KRT84: variants seen among roughly 807,000 people sequenced by gnomAD.
The protein encoded by KRT84 is keratin, type II cuticular Hb4.
In KRT84, 38 loss-of-function variants were observed where a neutral mutation model predicts 49.0. The ratio of observed to expected loss-of-function variants is 0.78; its 90% CI spans 0.60 to 1.02. KRT84 has a LOEUF of 1.02. KRT84 is among the 50% of genes least tolerant of loss of function. The pLI, the probability that KRT84 is intolerant of heterozygous loss-of-function variation, is 0.00. For synonymous variants in KRT84, 334 were observed against 312.8 expected, an observed-to-expected ratio of 1.07 and a Z score of -0.72; for missense variants, 860 against 788.6, an observed-to-expected ratio of 1.09 and a Z score of -1.08.
rs775140729 is a variant in KRT84, at chr12:52,378,020, C to G, written c.*14G>C. Reference sequence around the variant, plus strand: ...TGGTTCTTCTCTGGGCAGCAGCTGTCTGGGGCTGGGCTCTCAGTACTTGGT... The same window carrying G: ...TGGTTCTTCTCTGGGCAGCAGCTGTGTGGGGCTGGGCTCTCAGTACTTGGT... On this transcript the variant is annotated 3_prime_UTR_variant, in exon 9 of 9. Transcript: ENST00000257951. 3.5e-6 allele frequency: 5 copies of G among 1,442,974 alleles called. No individual in the cohort carries two copies. The African/African-American group carries it at 7.3e-5, about 21-fold the overall frequency. The allele number at this position is 1,442,974 out of a possible 1,614,324, so 89.4% of individuals were successfully genotyped here. A position where few individuals can be genotyped will look rare whatever the true frequency, so the allele number is the denominator to read the frequency against.
In KRT84 at chr12:52,382,987, T is replaced by A. The variant is rs201723730; in HGVS notation, c.816+18A>T. ...CGGTCCAGAGGAGAAGTTGGCCTGG[T>A]CTGTGGTTCCCCCTTACCTTCTTCA... On this transcript the variant is annotated intron_variant, in intron 3 of 8. Coordinates refer to ENST00000257951, the MANE Select transcript of KRT84 (RefSeq NM_033045.4). The A allele has an allele frequency of 1.3e-5, 21 of 1,612,288 alleles. No homozygotes were observed. The African/African-American group carries it at 2.5e-4, about 19-fold the overall frequency.
rs1321750530 is a variant in KRT84, at chr12:52,381,372, A to G, written c.1066T>C (p.Tyr356His). Reference sequence around the variant, plus strand: ...CCTCCACTGCCCACCTTGGTCTGGTACCAGGCCTCAGCATCAGCCCGGCTG... The same window carrying G: ...CCTCCACTGCCCACCTTGGTCTGGTGCCAGGCCTCAGCATCAGCCCGGCTG... ...RRSRADAEAW[Y>H]QTKYEEMQVT... Residue 356 changes from tyrosine to histidine, a missense_variant, in exon 5 of 9, where the codon TAC (tyrosine) becomes CAC (histidine). Physicochemically the swap from Tyr to His is moderately conservative, Grantham distance 83 (BLOSUM62 2). Coordinates refer to ENST00000257951, the MANE Select transcript of KRT84 (RefSeq NM_033045.4). 1.2e-6 allele frequency: 2 copies of G among 1,614,088 alleles called. No individual in the cohort carries two copies. Among genetic ancestry groups the G allele is most frequent in the South Asian group, 2.2e-5 (2 of 91,072 alleles).
At chr12:52,378,803 T>C (rs1328025963) in intron 8 of KRT84, among the ~76,000 whole-genome samples, 1 of 152,136 alleles carries the variant, frequency 6.6e-6, no homozygotes, top group Non-Finnish European at 1.5e-5. Flanking sequence ...ATATTTCCCC[T>C]AGCCCAGCAC....
rs776817362 is a variant in KRT84, at chr12:52,381,468, T to C, written c.970A>G (p.Asn324Asp). 1.2e-6 allele frequency: 2 copies of C among 1,614,174 alleles called. No homozygotes were observed. The highest frequency in any genetic ancestry group is 8.5e-7 in the Non-Finnish European group (1 of 1,180,034). ...SETSVIVKMD[N>D]SRDLNLDGII... ...CCATCAAGGTTCAGGTCACGGCTGT[T>C]GTCCATCTTCACAATGACCGACGTC... Residue 324 changes from asparagine to aspartate, a missense_variant, in exon 5 of 9, where the codon AAC (asparagine) becomes GAC (aspartate). Physicochemically the swap from Asn to Asp is conservative, Grantham distance 23. Coordinates refer to ENST00000257951, the MANE Select transcript of KRT84 (RefSeq NM_033045.4).
At position 52,380,387 on chromosome 12, in the gene KRT84, C is replaced by G. The variant is rs745973447; in HGVS notation, c.1400G>C (p.Arg467Pro). 6.2e-7 allele frequency: 1 copy of G among 1,614,110 alleles called. No homozygotes were observed. ...GLDIEIATYR[R>P]LLEGEESRLC... ...CCGGCTCTCCTCGCCCTCCAGCAGGCGCCTGTAGGTGGCGATCTCGATGTC... is the reference window on the plus strand; with the variant it reads ...CCGGCTCTCCTCGCCCTCCAGCAGGGGCCTGTAGGTGGCGATCTCGATGTC... Residue 467 changes from arginine to proline, a missense_variant, in exon 7 of 9, where the codon CGC becomes CCC. Coordinates refer to ENST00000257951, the MANE Select transcript of KRT84 (RefSeq NM_033045.4).
chr12:52,381,682 A>T (rs1470620691), intron 4 of KRT84, among the ~76,000 whole-genome samples, 157 bp from the exon 5 acceptor site: 2 of 152,196 alleles, frequency 1.3e-5, no homozygotes, highest in Non-Finnish European at 2.9e-5. Flanking sequence ...AAAGAAAAAG[A>T]CATGTCTGAG....
intron 6 of KRT84, 48 bp from the exon 7 acceptor site, chr12:52,380,631 C>G: frequency 6.6e-7 from 1 of 1,521,642 alleles, no homozygotes. Flanking sequence ...GCCAGGGCAT[C>G]CCCAGGTTGG....
At chr12:52,382,362 G>T (rs931647693) in intron 4 of KRT84, 75 bp downstream of exon 4, 3 of 976,022 alleles carry the variant, frequency 3.1e-6, no homozygotes, top group East Asian at 2.4e-5. Context: ...AAATATGCTA[G>T]CCCAGGCTAA....
chr12:52,384,468 G>A (rs1180375125), intron 1 of KRT84, among the ~76,000 whole-genome samples: 1 of 152,130 alleles, frequency 6.6e-6, no homozygotes, highest in South Asian at 2.1e-4. Context: ...GACTACCAGT[G>A]GTCATTCCCT....
chr12:52,386,641 T>A (rs1208907727), upstream of KRT84, among the ~76,000 whole-genome samples: 1 of 152,112 alleles, frequency 6.6e-6, no homozygotes, highest in Non-Finnish European at 1.5e-5. Context: ...AAATATACCA[T>A]AGGTGTGATT....
chr12:52,381,054 G>A, intron 6 of KRT84, 26 bp downstream of exon 6: 1 of 1,611,466 alleles, frequency 6.2e-7, no homozygotes, highest in Non-Finnish European at 8.5e-7. Flanking sequence ...CCTCATCTGA[G>A]GCTTTCCCTC....
chr12:52,380,241 G>T, intron 7 of KRT84, 122 bp downstream of exon 7: 1 of 1,201,898 alleles, frequency 8.3e-7, no homozygotes, highest in South Asian at 1.5e-5. Flanking sequence ...TGTTTGCAGA[G>T]AAGGTATTGT....
Position 52,382,349 on chromosome 12 carries a change from T to G in KRT84, c.912+88A>C, listed in dbSNP as rs1939497102. 3 of 870,822 alleles carry G rather than the reference T, an allele frequency of 3.4e-6. No individual in the cohort carries two copies. In the African/African-American group the frequency reaches 5.0e-5, roughly 15 times the overall value. 53.9% of individuals were successfully genotyped at this position (870,822 alleles called of 1,614,324 possible). The stretch of plus-strand genomic sequence containing the variant: ...GGAAAGATATATGATAGCAAATGTT[T>G]GAAAATATGCTAGCCCAGGCTAAGC... On this transcript the variant is annotated intron_variant, in intron 4 of 8. Coordinates refer to ENST00000257951, the MANE Select transcript of KRT84 (RefSeq NM_033045.4).
Position 52,383,798 on chromosome 12 carries a change from C to T in KRT84, c.547G>A (p.Val183Ile). The change falls in exon 2 of 9, where the codon GTT becomes ATT. Residue 183 changes from valine (V) to isoleucine (I), a missense_variant and splice_region_variant. By Grantham distance (29) the Val-to-Ile change is conservative. Coordinates refer to ENST00000257951, the MANE Select transcript of KRT84 (RefSeq NM_033045.4). The stretch of plus-strand genomic sequence containing the variant: ...TTATTCTGCTGCTCTAGGAACCGAA[C>T]CTAAATCCACAGGGCACAGAAATGG... ...NNKFASFIDK[V>I]RFLEQQNKLL... is the part of the protein sequence containing the mutation. The T allele has an allele frequency of 3.1e-6, 5 of 1,610,604 alleles. No homozygotes were observed. The highest frequency in any genetic ancestry group is 1.1e-5 in the South Asian group (1 of 90,914).
chr12:52,382,455 T>C lies in KRT84; in HGVS notation c.894A>G (p.Leu298=), dbSNP rs1183716712. 21 of 1,613,874 alleles carry C rather than the reference T, an allele frequency of 1.3e-5. No individual in the cohort carries two copies. The highest frequency in any genetic ancestry group is 1.8e-5 in the Non-Finnish European group (21 of 1,179,828). ...CCCTCACCTCCATGTAAAGCGTTTT[T>C]AGAAAGTCAATTTCCTGAGTTAGGG... The part of the protein sequence containing the change: ...VDTLTQEIDF[L]KTLYMEEIQL... Residue 298 remains leucine, a synonymous_variant, in exon 4 of 9, where the codon CTA becomes CTG. Coordinates refer to ENST00000257951, the MANE Select transcript of KRT84 (RefSeq NM_033045.4).
chr12:52,386,759 C>A (rs1174850581), upstream of KRT84, among the ~76,000 whole-genome samples: 1 of 152,124 alleles, frequency 6.6e-6, no homozygotes, highest in Non-Finnish European at 1.5e-5. Flanking sequence ...TTCTCAGCAG[C>A]TGAATATTAT....
At position 52,382,991 on chromosome 12, in the gene KRT84, T is replaced by C. The variant is rs768475501; in HGVS notation, c.816+14A>G. 4 of 1,612,836 alleles carry C rather than the reference T, an allele frequency of 2.5e-6. No homozygotes were observed. In the Admixed American group the frequency reaches 6.7e-5, roughly 27 times the overall value. On this transcript the variant is annotated intron_variant, in intron 3 of 8. Coordinates refer to ENST00000257951, the MANE Select transcript of KRT84 (RefSeq NM_033045.4). ...CCAGAGGAGAAGTTGGCCTGGTCTG[T>C]GGTTCCCCCTTACCTTCTTCAGAGC...
In KRT84 at chr12:52,377,980, C is replaced by A; in HGVS notation, c.*54G>T. 7.5e-7 allele frequency: 1 copy of A among 1,326,388 alleles called. No individual in the cohort carries two copies. Among genetic ancestry groups the A allele is most frequent in the Non-Finnish European group, 9.9e-7 (1 of 1,014,940 alleles). 82.2% of individuals were successfully genotyped at this position (1,326,388 alleles called of 1,614,324 possible). The stretch of plus-strand genomic sequence containing the variant: ...AGCCCACGAACCCTGGGGGCAGAAG[C>A]AGGAGCCGTGGAGCTGGTTCTTCTC... On this transcript the variant is annotated 3_prime_UTR_variant, in exon 9 of 9. Coordinates refer to ENST00000257951, the MANE Select transcript of KRT84 (RefSeq NM_033045.4).
chr12:52,377,894 C>G lies in KRT84; in HGVS notation c.*140G>C, dbSNP rs1035494306. On this transcript the variant is annotated 3_prime_UTR_variant, in exon 9 of 9. Transcript: ENST00000257951. ...AGGACATGGGGCCAGGCAGAATAAT[C>G]GGGGGAGTGCTAAGGGGTGGCTTCC... 1.9e-6 allele frequency: 1 copy of G among 523,690 alleles called. No homozygotes were observed. Among genetic ancestry groups the G allele is most frequent in the Non-Finnish European group, 3.1e-6 (1 of 319,494 alleles). 32.4% of individuals were successfully genotyped at this position (523,690 alleles called of 1,614,324 possible). A position where few individuals can be genotyped will look rare whatever the true frequency, so the allele number is the denominator to read the frequency against.
Sources: allele counts gnomAD v4.1 joint callset (sites outside exome capture counted in the v4.1 genomes callset), GRCh38; gene constraint gnomAD v4.1.1; transcripts MANE v1.5; gene names NCBI Gene and HGNC (gene_info 2026-07-23, HGNC 2026-07-21).